The following COQ10B variants were observed in gnomAD, a reference collection of about 807,000 sequenced individuals.
The protein encoded by COQ10B is coenzyme Q-binding protein COQ10 homolog B, mitochondrial.
Under a neutral mutation model 27.6 loss-of-function variants are expected in COQ10B, and 12 were observed. That is an observed-to-expected ratio of 0.43 (90% CI 0.28 to 0.70). The LOEUF is 0.70. Ranked by LOEUF, COQ10B falls within the 30% of genes least tolerant of loss-of-function variation. COQ10B has a pLI of 0.17. For synonymous variants in COQ10B, 115 were observed against 103.0 expected (o/e 1.12, Z -0.71); for missense variants, 278 against 288.7 (o/e 0.96, Z 0.27).
rs1324009149 is a variant in COQ10B, at chr2:197,455,445, C to G, written c.104+1781C>G. Among the ~76,000 whole-genome samples, 10 of 148,652 alleles carry G rather than the reference C, an allele frequency of 6.7e-5. No individual in the cohort carries two copies. In the East Asian group the frequency reaches 1.8e-3, roughly 27 times the overall value. On this transcript the variant is annotated intron_variant, in intron 1 of 4. Transcript: ENST00000263960. The stretch of plus-strand genomic sequence containing the variant: ...AACCAGCGTGGACAACATGGCAAAA[C>G]CTTGTCTCTACCAAAAAAAAGAAAA...
At chr2:197,464,022 C>CCT in intron 3 of COQ10B, among the ~76,000 whole-genome samples, 1 of 99,692 alleles carries the variant, frequency 1.0e-5, no homozygotes, top group Non-Finnish European at 2.0e-5. Context: ...CACACACACA[C>CCT]ACACATACAT....
intron 1 of COQ10B, among the ~76,000 whole-genome samples, chr2:197,455,142 G>A (rs1033463296): frequency 6.7e-6 from 1 of 150,066 alleles, no homozygotes; most frequent in African/African-American, 2.5e-5. Context: ...AGGCTGGGAG[G>A]CAATACATGA....
chr2:197,471,789 A>G lies in COQ10B; in HGVS notation c.549+1618A>G, dbSNP rs192002291. 5.4e-3 allele frequency among the ~76,000 whole-genome samples: 819 copies of G among 152,162 alleles called. 6 individuals are homozygous for G. Among genetic ancestry groups the G allele is most frequent in the African/African-American group, 0.018 (750 of 41,524 alleles). On this transcript the variant is annotated intron_variant, in intron 4 of 4. Transcript: ENST00000263960. Reference sequence around the variant, plus strand: ...AAACCCCATCTCTACTAAAAATACAAAAATTAGCCGGGTGTGGTGGTGCAT... The same window carrying G: ...AAACCCCATCTCTACTAAAAATACAGAAATTAGCCGGGTGTGGTGGTGCAT...
At chr2:197,462,137 C>T (rs888063100) in intron 2 of COQ10B, among the ~76,000 whole-genome samples, 1 of 151,806 alleles carries the variant, frequency 6.6e-6, no homozygotes, top group Non-Finnish European at 1.5e-5. Flanking sequence ...ACTGTGGTGG[C>T]ACGTGCCTGG....
chr2:197,468,725 A>G (rs1056660196), intron 3 of COQ10B, among the ~76,000 whole-genome samples: 2 of 152,134 alleles, frequency 1.3e-5, no homozygotes, highest in Non-Finnish European at 2.9e-5. Flanking sequence ...TGGGAGGCCA[A>G]GGCAGGAGGT....
intron 2 of COQ10B, among the ~76,000 whole-genome samples, chr2:197,461,408 A>G (rs2085756147): frequency 6.6e-6 from 1 of 152,166 alleles, no homozygotes; most frequent in Non-Finnish European, 1.5e-5. Flanking sequence ...AACGCAGTGG[A>G]AATGAGGACT....
At chr2:197,468,390 T>G (rs1056628280) in intron 3 of COQ10B, among the ~76,000 whole-genome samples, 3 of 135,878 alleles carry the variant, frequency 2.2e-5, no homozygotes, top group Admixed American at 8.2e-5. Flanking sequence ...TTGCAGTGAG[T>G]CGAGATCGCG....
Position 197,467,825 on chromosome 2 carries a change from T to C in COQ10B, c.448-2245T>C, listed in dbSNP as rs187182382. Among the ~76,000 whole-genome samples, 14 of 152,376 alleles carry C rather than the reference T, an allele frequency of 9.2e-5. 1 individual carries two copies. The East Asian group carries it at 2.7e-3, about 29-fold the overall frequency. ...ACCAAAACATGCCTGTCACTTAATA[T>C]GTCAGTAATTCTAGTCTACACTAAT... is the stretch of plus-strand genomic sequence containing the variant. On this transcript the variant is annotated intron_variant, in intron 3 of 4. Transcript: ENST00000263960.
In COQ10B at chr2:197,460,141, G is replaced by A. The variant is rs150890135; in HGVS notation, c.254+60G>A. 900 of 1,193,648 alleles carry A rather than the reference G, an allele frequency of 7.5e-4. 3 individuals are homozygous for A. In the African/African-American group the frequency reaches 0.01, roughly 13 times the overall value. 73.9% of individuals were successfully genotyped at this position (1,193,648 alleles called of 1,614,324 possible). On this transcript the variant is annotated intron_variant, in intron 2 of 4. Coordinates refer to ENST00000263960, the MANE Select transcript of COQ10B (RefSeq NM_025147.5). ...TGTTCACAATTTTCCGTGGGGTATC[G>A]TGTTGTGCCTCTTTCTCTCTGGATT... is the stretch of plus-strand genomic sequence containing the variant.
rs763794293 is a variant in COQ10B, at chr2:197,453,586, C to T, written c.26C>T (p.Ala9Val). Residue 9 changes from alanine to valine, a missense_variant, in exon 1 of 5, where the codon GCC becomes GTC. Physicochemically the swap from Ala to Val is moderately conservative, Grantham distance 64. This residue lies in a region of COQ10B where 183 missense variants were observed against 158.2 expected (regional missense o/e 1.16). Transcript: ENST00000263960. ...ATGGCAGCTCGGACTGGTCATACGG[C>T]CTTGAGAAGGGTAGTCTCGGGATGC... MAARTGHT[A>V]LRRVVSGCRP... The T allele has an allele frequency of 3.1e-6, 5 of 1,614,020 alleles. No homozygotes were observed. Among genetic ancestry groups the T allele is most frequent in the Non-Finnish European group, 4.2e-6 (5 of 1,179,954 alleles).
In COQ10B at chr2:197,453,556, C is replaced by G; in HGVS notation, c.-5C>G. On this transcript the variant is annotated 5_prime_UTR_variant, in exon 1 of 5. Coordinates refer to ENST00000263960, the MANE Select transcript of COQ10B (RefSeq NM_025147.5). ...GAGGTGACGACCGGCTTCGGAGAGTCTATCATGGCAGCTCGGACTGGTCAT... is the reference window on the plus strand; with the variant it reads ...GAGGTGACGACCGGCTTCGGAGAGTGTATCATGGCAGCTCGGACTGGTCAT... 6.2e-7 allele frequency: 1 copy of G among 1,611,154 alleles called. No individual in the cohort carries two copies.
At chr2:197,459,311 C>T (rs1470407451) in intron 1 of COQ10B, among the ~76,000 whole-genome samples, 1 of 152,144 alleles carries the variant, frequency 6.6e-6, no homozygotes, top group Non-Finnish European at 1.5e-5. Flanking sequence ...GAACTACAGG[C>T]ACATGCCACC....
At chr2:197,459,794 CGT>C (rs2085736785) in intron 1 of COQ10B, 136 bp from the exon 2 acceptor site, 7 of 514,278 alleles carry the variant, frequency 1.4e-5, no homozygotes, top group Non-Finnish European at 2.3e-5. Flanking sequence ...TTTCTGTGCC[CGT>C]GTGTGTGTAT....
At chr2:197,473,705 A>C in intron 4 of COQ10B, 52 bp from the exon 5 acceptor site, 2 of 1,316,540 alleles carry the variant, frequency 1.5e-6, no homozygotes, top group Non-Finnish European at 1.0e-6. Flanking sequence ...CAAAAAAAAA[A>C]AAAAAGCAAA....
chr2:197,470,475 A>G (rs559231643), intron 4 of COQ10B, among the ~76,000 whole-genome samples: 2 of 152,352 alleles, frequency 1.3e-5, no homozygotes, highest in Admixed American at 1.3e-4. Flanking sequence ...AGATGCAGAA[A>G]CAGGCTAGGT....
chr2:197,454,285 G>A (rs2085671996), intron 1 of COQ10B: 2 of 622,278 alleles, frequency 3.2e-6, no homozygotes, highest in Non-Finnish European at 5.5e-6. Context: ...GGAGATGGAG[G>A]TCGGGACACG....
chr2:197,472,800 CAA>C (rs34942079), intron 4 of COQ10B, among the ~76,000 whole-genome samples: 4 of 96,068 alleles, frequency 4.2e-5, no homozygotes, highest in Admixed American at 1.2e-4. Flanking sequence ...GGCTCCATCT[CAA>C]AAAAAAAAAA....
At position 197,473,415 on chromosome 2, in the gene COQ10B, A is replaced by ATATATAT. The variant is rs1553575308; in HGVS notation, c.550-342_550-341insTATATAT. 5.5e-3 allele frequency among the ~76,000 whole-genome samples: 326 copies of ATATATAT among 59,212 alleles called. 1 individual carries two copies. Among genetic ancestry groups the ATATATAT allele is most frequent in the Non-Finnish European group, 7.3e-3 (247 of 33,982 alleles). 38.8% of individuals were successfully genotyped at this position (59,212 alleles called of 152,430 possible). A position where few individuals can be genotyped will look rare whatever the true frequency, so the allele number is the denominator to read the frequency against. ...CGCCCCCCCCCACAAAAAAAAAAAA[A>ATATATAT]ATATATATATATATATATATATATA... On this transcript the variant is annotated intron_variant, in intron 4 of 4. Transcript: ENST00000263960.
At chr2:197,456,749 A>G (rs942003719) in intron 1 of COQ10B, among the ~76,000 whole-genome samples, 1 of 152,104 alleles carries the variant, frequency 6.6e-6, no homozygotes, top group Non-Finnish European at 1.5e-5. Context: ...TGGGTGATAG[A>G]GCAAGACTCC....
Sources: allele counts gnomAD v4.1 joint callset (sites outside exome capture counted in the v4.1 genomes callset), GRCh38; gene constraint gnomAD v4.1.1; regional missense constraint gnomAD v4.1.1; transcripts MANE v1.5; gene names NCBI Gene and HGNC (gene_info 2026-07-23, HGNC 2026-07-21).